The following USP48 variants were observed in gnomAD, a reference collection of about 807,000 sequenced individuals.
The protein encoded by USP48 is ubiquitin carboxyl-terminal hydrolase 48.
Under a neutral mutation model 150.7 loss-of-function variants are expected in USP48, and 43 were observed. The observed-to-expected ratio is 0.29, with a 90% CI of 0.22 to 0.37. The LOEUF is 0.37. USP48 is among the 10% of genes least tolerant of loss of function. USP48 has a pLI of 1.00. For missense variants in USP48, 813 were observed against 1,249.6 expected (o/e 0.65, Z 5.27); for synonymous variants, 396 against 425.9 (o/e 0.93, Z 0.86).
intron 25 of USP48, among the ~76,000 whole-genome samples, chr1:21,685,593 G>A (rs907829958): frequency 6.6e-6 from 1 of 152,170 alleles, no homozygotes; most frequent in Admixed American, 6.5e-5. Context: ...GGGATTACAG[G>A]CATGAGCCAC....
chr1:21,781,602 C>T (rs1009628887), intron 1 of USP48, among the ~76,000 whole-genome samples: 3 of 151,932 alleles, frequency 2.0e-5, no homozygotes, highest in Admixed American at 6.6e-5. Context: ...GGCGTGGTGG[C>T]CCGTGCCTCT....
intron 2 of USP48, among the ~76,000 whole-genome samples, chr1:21,757,297 T>C (rs976494993): frequency 6.6e-6 from 1 of 152,190 alleles, no homozygotes; most frequent in African/African-American, 2.4e-5. Flanking sequence ...CAAAATTATA[T>C]ATAAAATACA....
intron 1 of USP48, among the ~76,000 whole-genome samples, chr1:21,774,009 G>T (rs1191021324): frequency 6.6e-6 from 1 of 151,818 alleles, no homozygotes; most frequent in East Asian, 1.9e-4. Context: ...GGGTGTGGTG[G>T]CTCTACTAAA....
chr1:21,716,194 C>T (rs74365218), intron 14 of USP48, among the ~76,000 whole-genome samples: 34 of 152,214 alleles, frequency 2.2e-4, no homozygotes, highest in African/African-American at 7.9e-4. Context: ...TTACTTCCAC[C>T]GTTCCACTTA....
At chr1:21,762,845 G>T (rs1029396263) in intron 1 of USP48, among the ~76,000 whole-genome samples, 1 of 130,298 alleles carries the variant, frequency 7.7e-6, no homozygotes, top group East Asian at 2.3e-4. Flanking sequence ...CAGCCTGGGC[G>T]ACAGAGCGAG....
chr1:21,706,062 TA>T, intron 18 of USP48, 63 bp downstream of exon 18: 1 of 1,545,194 alleles, frequency 6.5e-7, no homozygotes, highest in Non-Finnish European at 8.9e-7. Flanking sequence ...CACGATATCT[TA>T]AAAAATACCA....
intron 1 of USP48, among the ~76,000 whole-genome samples, chr1:21,769,222 C>T (rs1240486074): frequency 6.6e-6 from 1 of 152,040 alleles, no homozygotes; most frequent in Non-Finnish European, 1.5e-5. Flanking sequence ...TAGACCTAAG[C>T]ATGAAAGATA....
At chr1:21,699,567 G>A (rs2152511868) in intron 22 of USP48, among the ~76,000 whole-genome samples, 1 of 151,384 alleles carries the variant, frequency 6.6e-6, no homozygotes, top group African/African-American at 2.4e-5. Flanking sequence ...AGGCTGGAGT[G>A]CAGTGGCGTG....
intron 5 of USP48, 104 bp downstream of exon 5, chr1:21,752,423 A>G (rs895808606): frequency 2.2e-6 from 3 of 1,375,724 alleles, no homozygotes; most frequent in African/African-American, 3.0e-5. Context: ...AGGTCCCATG[A>G]TAAACCACTA....
Position 21,729,821 on chromosome 1 carries a change from T to C in USP48, c.1183A>G (p.Lys395Glu). Residue 395 changes from lysine to glutamate, a missense_variant, in exon 10 of 27, where the codon AAG (lysine) becomes GAG (glutamate). Transcript: ENST00000308271. ...CACTTGGGTTTACGTGTCTGAGACTTAGAAGGTTCTGCTGAGATAGAGAAA... is the reference window on the plus strand; with the variant it reads ...CACTTGGGTTTACGTGTCTGAGACTCAGAAGGTTCTGCTGAGATAGAGAAA... ...GIEEDLAEPS[K>E]SQTRKPKCGK... 6.2e-7 allele frequency: 1 copy of C among 1,614,078 alleles called. No individual in the cohort carries two copies. The highest frequency in any genetic ancestry group is 8.5e-7 in the Non-Finnish European group (1 of 1,179,974).
Position 21,685,728 on chromosome 1 carries a change from C to T in USP48, c.3058+1463G>A, listed in dbSNP as rs1346934226. On this transcript the variant is annotated intron_variant, in intron 25 of 26. Coordinates refer to ENST00000308271, the MANE Select transcript of USP48 (RefSeq NM_032236.8). ...ATAATCACTACACTACAGAAACTCACTTTGTACACTGATTTTTGTATCCTG... is the reference window on the plus strand; with the variant it reads ...ATAATCACTACACTACAGAAACTCATTTTGTACACTGATTTTTGTATCCTG... 2.6e-5 allele frequency among the ~76,000 whole-genome samples: 4 copies of T among 152,330 alleles called. No homozygotes were observed. In the East Asian group the frequency reaches 7.7e-4, roughly 29 times the overall value.
chr1:21,760,881 G>A (rs1332074535), intron 1 of USP48, among the ~76,000 whole-genome samples: 1 of 152,146 alleles, frequency 6.6e-6, no homozygotes, highest in African/African-American at 2.4e-5. Context: ...ATCACCTGAG[G>A]TCGGGATTTC....
chr1:21,715,533 C>G, intron 14 of USP48, 76 bp from the exon 15 acceptor site: 1 of 884,598 alleles, frequency 1.1e-6, no homozygotes, highest in Non-Finnish European at 1.8e-6. Context: ...ATATACTACT[C>G]TGCACAATTT....
Position 21,736,522 on chromosome 1 carries a change from T to G in USP48, c.1095A>C (p.Glu365Asp). 6.2e-7 allele frequency: 1 copy of G among 1,603,104 alleles called. No individual in the cohort carries two copies. The highest frequency in any genetic ancestry group is 8.5e-7 in the Non-Finnish European group (1 of 1,176,690). ...TGTCTTCATCATTAAACTTATACCA[T>G]TCACCAGACTGTGGATCTTTCACGT... is the stretch of plus-strand genomic sequence containing the variant. ...IAHVKDPQSG[E>D]WYKFNDEDIE... is the part of the protein sequence containing the mutation. Residue 365 changes from glutamate (E) to aspartate (D), a missense_variant, in exon 9 of 27, where the codon GAA (glutamate) becomes GAC (aspartate). By Grantham distance (45) the Glu-to-Asp change is conservative. Transcript: ENST00000308271.
intron 8 of USP48, among the ~76,000 whole-genome samples, chr1:21,742,972 A>C (rs1259172593): frequency 6.6e-6 from 1 of 152,240 alleles, no homozygotes; most frequent in Non-Finnish European, 1.5e-5. Flanking sequence ...TCAGTAATGG[A>C]TTATAAAAAC....
At chr1:21,706,406 G>A in intron 17 of USP48, 61 bp downstream of exon 17, 2 of 1,607,358 alleles carry the variant, frequency 1.2e-6, no homozygotes, top group South Asian at 1.1e-5. Flanking sequence ...AGCTCACTGG[G>A]AATTTGGCAA....
chr1:21,735,679 A>C (rs2097767234), intron 9 of USP48, among the ~76,000 whole-genome samples: 1 of 152,226 alleles, frequency 6.6e-6, no homozygotes, highest in South Asian at 2.1e-4. Flanking sequence ...ACCTGAGGTC[A>C]GGAGTTCGAG....
intron 1 of USP48, among the ~76,000 whole-genome samples, chr1:21,760,876 C>G (rs1229447805): frequency 6.6e-6 from 1 of 152,034 alleles, no homozygotes; most frequent in Non-Finnish European, 1.5e-5. Context: ...AGGCGATCAC[C>G]TGAGGTCGGG....
chr1:21,751,852 T>C (rs1490630318), intron 5 of USP48, among the ~76,000 whole-genome samples: 2 of 151,906 alleles, frequency 1.3e-5, no homozygotes, highest in Admixed American at 6.6e-5. Context: ...ACCCCATCTC[T>C]ACTAAAAATA....
Sources: gnomAD v4.1 joint callset for allele counts (sites outside exome capture counted in the v4.1 genomes callset) on GRCh38, gnomAD v4.1.1 for gene constraint, MANE v1.5 for transcripts, NCBI Gene and HGNC (gene_info 2026-07-23, HGNC 2026-07-21) for gene names.